Variants in LINGO2 observed in about 807,000 individuals in gnomAD.
LINGO2 encodes the protein leucine rich repeat and Ig domain containing 2, also known as leucine-rich repeat and immunoglobulin-like domain-containing nogo receptor-interacting protein 2.
LINGO2 carries 14 observed loss-of-function variants against 30.6 expected under a neutral mutation model. The observed-to-expected ratio is 0.46, with a 90% CI of 0.30 to 0.72. The LOEUF is 0.72. Ranked by LOEUF, LINGO2 falls within the 30% of genes least tolerant of loss-of-function variation. LINGO2 has a pLI of 0.07. For missense variants in LINGO2, 729 were observed against 751.7 expected (o/e 0.97, Z 0.35); for synonymous variants, 317 against 288.5 (o/e 1.10, Z -1.00).
the LINGO2 span, among the ~76,000 whole-genome samples, chr9:29,085,878 T>G: frequency 6.6e-6 from 1 of 152,142 alleles, no homozygotes; most frequent in Admixed American, 6.6e-5. Flanking sequence ...TAAATCTAGT[T>G]GTATCTATGA....
At chr9:28,597,542 T>C (rs1422524325) in intron 1 of LINGO2, among the ~76,000 whole-genome samples, 5 of 152,162 alleles carry the variant, frequency 3.3e-5, no homozygotes, top group Non-Finnish European at 1.5e-5. Flanking sequence ...AACAGTATTT[T>C]AAAAGTACAA....
At chr9:28,013,789 T>C (rs2119277479) in intron 4 of LINGO2, among the ~76,000 whole-genome samples, 1 of 152,314 alleles carries the variant, frequency 6.6e-6, no homozygotes, top group Middle Eastern at 3.4e-3. Context: ...ATCAGTAAGT[T>C]CAAGGGAATT....
the LINGO2 span, among the ~76,000 whole-genome samples, chr9:28,756,825 C>G: frequency 6.6e-6 from 1 of 151,798 alleles, no homozygotes; most frequent in African/African-American, 2.4e-5. Flanking sequence ...TTCCTGAGGC[C>G]TCCCTAGCCA....
chr9:28,375,521 C>T (rs746068412), intron 2 of LINGO2, among the ~76,000 whole-genome samples: 26 of 152,262 alleles, frequency 1.7e-4, no homozygotes, highest in Middle Eastern at 3.4e-3. Context: ...CTACTTTGGA[C>T]GGAGGTAGAA....
chr9:28,495,989 C>A (rs1029111565), intron 1 of LINGO2, among the ~76,000 whole-genome samples: 2 of 152,164 alleles, frequency 1.3e-5, no homozygotes, highest in Admixed American at 1.3e-4. Flanking sequence ...TTCTTAAAAC[C>A]TGAGTTCTAG....
At chr9:28,161,443 C>T (rs965494575) in intron 4 of LINGO2, among the ~76,000 whole-genome samples, 1 of 151,696 alleles carries the variant, frequency 6.6e-6, no homozygotes, top group Admixed American at 6.6e-5. Flanking sequence ...TTTTTTCATT[C>T]AGTAATAAGT....
At chr9:29,131,578 A>G in the LINGO2 span, among the ~76,000 whole-genome samples, 1 of 152,090 alleles carries the variant, frequency 6.6e-6, no homozygotes, top group African/African-American at 2.4e-5. Flanking sequence ...CTGGAATTGC[A>G]TCCACACCGA....
intron 1 of LINGO2, among the ~76,000 whole-genome samples, chr9:28,525,826 T>C (rs369063736): frequency 1.1e-4 from 17 of 152,028 alleles, no homozygotes; most frequent in East Asian, 5.8e-4. Context: ...GAGGCCAAGG[T>C]GGGCGGATCA....
At chr9:28,242,408 C>A (rs1050654521) in intron 4 of LINGO2, among the ~76,000 whole-genome samples, 1 of 151,616 alleles carries the variant, frequency 6.6e-6, no homozygotes, top group African/African-American at 2.4e-5. Flanking sequence ...ATAAGGCAGG[C>A]AGACAAGATT....
intron 1 of LINGO2, among the ~76,000 whole-genome samples, chr9:28,604,228 G>T (rs577897964): frequency 6.6e-6 from 1 of 152,020 alleles, no homozygotes; most frequent in South Asian, 2.1e-4. Context: ...GCACTACAGT[G>T]TTAGGCAATA....
At chr9:28,352,287 A>C (rs1420514556) in intron 3 of LINGO2, among the ~76,000 whole-genome samples, 1 of 148,486 alleles carries the variant, frequency 6.7e-6, no homozygotes, top group Non-Finnish European at 1.5e-5. Flanking sequence ...TAAGCTGATA[A>C]GCAACTTCAG....
intron 5 of LINGO2, among the ~76,000 whole-genome samples, chr9:27,978,309 A>C (rs57452737): frequency 1.3e-5 from 2 of 152,076 alleles, no homozygotes; most frequent in Non-Finnish European, 2.9e-5. Context: ...GATCAAACAG[A>C]TAACAACTAG....
At chr9:28,560,646 T>C (rs1217580953) in intron 1 of LINGO2, among the ~76,000 whole-genome samples, 3 of 151,952 alleles carry the variant, frequency 2.0e-5, no homozygotes, top group Non-Finnish European at 4.4e-5. Context: ...TGTTTGGCGT[T>C]TTTATTTTTT....
chr9:28,659,516 T>C (rs1828503536), intron 1 of LINGO2, among the ~76,000 whole-genome samples: 2 of 151,858 alleles, frequency 1.3e-5, no homozygotes, highest in South Asian at 4.2e-4. Context: ...GACACAATCA[T>C]AGCTAAATGC....
At chr9:28,397,137 T>G (rs935489555) in intron 2 of LINGO2, among the ~76,000 whole-genome samples, 1 of 152,114 alleles carries the variant, frequency 6.6e-6, no homozygotes, top group Non-Finnish European at 1.5e-5. Flanking sequence ...CTTAATTTTC[T>G]AAGAAGAGTT....
chr9:28,721,972 G>C, the LINGO2 span, among the ~76,000 whole-genome samples: 1 of 151,706 alleles, frequency 6.6e-6, no homozygotes, highest in African/African-American at 2.4e-5. Context: ...TATTATATAC[G>C]TATGAAAAAT....
At chr9:29,068,969 A>C in the LINGO2 span, among the ~76,000 whole-genome samples, 1 of 151,898 alleles carries the variant, frequency 6.6e-6, no homozygotes, top group East Asian at 1.9e-4. Context: ...AGAACCAAAA[A>C]AGGTTCATTG....
the LINGO2 span, among the ~76,000 whole-genome samples, chr9:29,007,537 G>T: frequency 4.1e-4 from 62 of 152,076 alleles, no homozygotes; most frequent in East Asian, 7.0e-3. Flanking sequence ...TCATTTCCAG[G>T]TTATCTGTGC....
chr9:29,000,413 A>G, the LINGO2 span, among the ~76,000 whole-genome samples: 1 of 152,058 alleles, frequency 6.6e-6, no homozygotes, highest in South Asian at 2.1e-4. Context: ...AATTTTCTGG[A>G]AAACATAGCC....
Sources: gnomAD v4.1 joint callset for allele counts (sites outside exome capture counted in the v4.1 genomes callset) on GRCh38, gnomAD v4.1.1 for gene constraint, MANE v1.5 for transcripts, NCBI Gene and HGNC (gene_info 2026-07-23, HGNC 2026-07-21) for gene names.